The following SYT1 variants were observed in gnomAD, a reference collection of about 807,000 sequenced individuals.
SYT1 encodes synaptotagmin-1.
Under a neutral mutation model 44.8 loss-of-function variants are expected in SYT1, and 8 were observed. The observed-to-expected ratio is 0.18, with a 90% confidence interval of 0.10 to 0.32. SYT1 has a LOEUF of 0.32. Among genes scored for constraint, SYT1 ranks in the 10% least tolerant of loss-of-function variants. The pLI, the probability that SYT1 is intolerant of heterozygous loss-of-function variation, is 1.00. For synonymous variants in SYT1, 154 were observed against 188.8 expected, an observed-to-expected ratio of 0.82 and a Z score of 1.51; for missense variants, 286 against 509.3, an observed-to-expected ratio of 0.56 and a Z score of 4.22.
intron 9 of SYT1, among the ~76,000 whole-genome samples, chr12:79,385,498 GTTTA>G (rs1884401759): frequency 6.6e-6 from 1 of 151,970 alleles, no homozygotes; most frequent in Non-Finnish European, 1.5e-5. Flanking sequence ...AGTTATGCGT[GTTTA>G]TTCCCCCCAA....
chr12:78,959,927 A>G (rs1220234959), intron 1 of SYT1, among the ~76,000 whole-genome samples: 1 of 152,228 alleles, frequency 6.6e-6, no homozygotes, highest in Non-Finnish European at 1.5e-5. Flanking sequence ...AACTGCAGGT[A>G]TCAGTAAACA....
intron 3 of SYT1, among the ~76,000 whole-genome samples, chr12:79,049,562 A>G (rs10861414): frequency 0.17 from 26,396 of 151,968 alleles, 2,384 homozygotes; most frequent in East Asian, 0.24. Flanking sequence ...CTTAAATGAC[A>G]TTGTCAAAAC....
intron 9 of SYT1, among the ~76,000 whole-genome samples, chr12:79,381,397 A>G (rs1390034698): frequency 6.6e-6 from 1 of 152,222 alleles, no homozygotes; most frequent in African/African-American, 2.4e-5. Flanking sequence ...CACCACTGTT[A>G]CAAAGTACAG....
At chr12:79,417,869 G>A (rs1868848377) in intron 9 of SYT1, among the ~76,000 whole-genome samples, 3 of 151,116 alleles carry the variant, frequency 2.0e-5, no homozygotes, top group Admixed American at 2.0e-4. Flanking sequence ...CATGTCCTGA[G>A]AATCTTGTTA....
At chr12:79,371,132 A>G (rs1482222597) in intron 9 of SYT1, among the ~76,000 whole-genome samples, 1 of 152,214 alleles carries the variant, frequency 6.6e-6, no homozygotes, top group African/African-American at 2.4e-5. Flanking sequence ...TGAGGTAGGT[A>G]TGGTTATCCC....
In SYT1 at chr12:78,929,446, A is replaced by AAAAAAAAAAAAAAAAAAAAAG. The variant is rs373264605; in HGVS notation, c.-216-48353_-216-48352insAAAAAAAAAAAAAAAAAAAAG. On this transcript the variant is annotated intron_variant, in intron 1 of 10. Coordinates refer to ENST00000261205, the MANE Select transcript of SYT1 (RefSeq NM_005639.3). ...AAAAAAAAAAAAAAAAAAAAAAAAAAGGTTATTAGCAGCAATTAGTTTTAT... is the reference window on the plus strand; with the variant it reads ...AAAAAAAAAAAAAAAAAAAAAAAAAAAAAAAAAAAAAAAAAAAAAAGGGTTATTAGCAGCAATTAGTTTTAT... Among the ~76,000 whole-genome samples, 81 of 128,584 alleles carry AAAAAAAAAAAAAAAAAAAAAG rather than the reference A, an allele frequency of 6.3e-4. 17 individuals carry two copies. The highest frequency in any genetic ancestry group is 3.0e-3 in the African/African-American group (78 of 25,900). 84.4% of individuals were successfully genotyped at this position (128,584 alleles called of 152,430 possible).
At chr12:79,305,818 G>A (rs534290587) in intron 8 of SYT1, among the ~76,000 whole-genome samples, 99 of 152,078 alleles carry the variant, frequency 6.5e-4, no homozygotes, top group African/African-American at 2.1e-3. Context: ...TGCCTCAGCC[G>A]CCCAAGTAGC....
chr12:79,441,285 T>TTTG (rs746722709), intron 9 of SYT1, among the ~76,000 whole-genome samples: 2,838 of 152,020 alleles, frequency 0.019, 70 homozygotes, highest in African/African-American at 0.059. Flanking sequence ...TCAGCCCTGT[T>TTTG]TTGTTGTTGT....
intron 1 of SYT1, among the ~76,000 whole-genome samples, chr12:78,956,191 G>C (rs928763953): frequency 6.6e-5 from 10 of 151,880 alleles, no homozygotes; most frequent in Non-Finnish European, 1.2e-4. Context: ...TGACTGGTAT[G>C]GGGGGGCAGA....
chr12:79,234,081 C>G (rs1199215761), intron 4 of SYT1, among the ~76,000 whole-genome samples: 1 of 152,130 alleles, frequency 6.6e-6, no homozygotes, highest in Non-Finnish European at 1.5e-5. Context: ...AATTCTCTTT[C>G]TTTCCTTCTA....
In SYT1 at chr12:79,380,214, T is replaced by C. The variant is rs183101363; in HGVS notation, c.928+26595T>C. ...AAGAGAAAATGCAGTTTCTGTCATT[T>C]AGATATTTTGAGAAAATATTAACTG... is the stretch of plus-strand genomic sequence containing the variant. On this transcript the variant is annotated intron_variant, in intron 9 of 10. Coordinates refer to ENST00000261205, the MANE Select transcript of SYT1 (RefSeq NM_005639.3). 1.7e-3 allele frequency among the ~76,000 whole-genome samples: 256 copies of C among 152,352 alleles called. 1 individual carries two copies. Among genetic ancestry groups the C allele is most frequent in the African/African-American group, 5.9e-3 (244 of 41,584 alleles).
At chr12:79,163,820 C>G (rs1871092558) in intron 3 of SYT1, among the ~76,000 whole-genome samples, 1 of 152,098 alleles carries the variant, frequency 6.6e-6, no homozygotes, top group Admixed American at 6.6e-5. Flanking sequence ...TCATAGTCCA[C>G]TACTAAGTCT....
intron 9 of SYT1, among the ~76,000 whole-genome samples, chr12:79,415,383 G>A (rs1449285852): frequency 1.3e-5 from 2 of 152,056 alleles, no homozygotes; most frequent in Admixed American, 6.6e-5. Flanking sequence ...ACTCCACCAG[G>A]GCAATCTGGT....
intron 8 of SYT1, among the ~76,000 whole-genome samples, chr12:79,340,334 C>G (rs889974506): frequency 6.6e-6 from 1 of 152,108 alleles, no homozygotes; most frequent in Non-Finnish European, 1.5e-5. Flanking sequence ...CTTGTGTCCT[C>G]TTTTATTTCC....
intron 3 of SYT1, among the ~76,000 whole-genome samples, chr12:79,135,617 T>G (rs1020327140): frequency 6.6e-6 from 1 of 152,196 alleles, no homozygotes; most frequent in African/African-American, 2.4e-5. Context: ...TTTGGATACT[T>G]GTAAAGTAGG....
chr12:78,934,507 A>C (rs117593876), intron 1 of SYT1, among the ~76,000 whole-genome samples: 2 of 152,286 alleles, frequency 1.3e-5, no homozygotes, highest in Non-Finnish European at 2.9e-5. Flanking sequence ...ATTGCACTTT[A>C]GCCTGGATAA....
At chr12:79,119,025 A>G (rs1879448481) in intron 3 of SYT1, among the ~76,000 whole-genome samples, 2 of 152,134 alleles carry the variant, frequency 1.3e-5, no homozygotes. Flanking sequence ...GGTTGCTGGT[A>G]CCATCCAGCC....
chr12:79,243,745 G>T (rs1325563400), intron 4 of SYT1, among the ~76,000 whole-genome samples: 2 of 151,796 alleles, frequency 1.3e-5, no homozygotes, highest in African/African-American at 2.4e-5. Context: ...AGTTCACAGG[G>T]CCTTCCAAGC....
intron 4 of SYT1, among the ~76,000 whole-genome samples, chr12:79,274,314 T>C (rs938885697): frequency 3.3e-5 from 5 of 152,094 alleles, no homozygotes; most frequent in African/African-American, 9.7e-5. Flanking sequence ...AGTTTTGTAT[T>C]CTGAGCATGA....
Sources: gnomAD v4.1 joint callset for allele counts (sites outside exome capture counted in the v4.1 genomes callset) on GRCh38, gnomAD v4.1.1 for gene constraint, MANE v1.5 for transcripts, NCBI Gene and HGNC (gene_info 2026-07-23, HGNC 2026-07-21) for gene names.